The following PPP2R5C variants were observed in gnomAD, a reference collection of about 807,000 sequenced individuals.
PPP2R5C encodes serine/threonine-protein phosphatase 2A 56 kDa regulatory subunit gamma isoform.
Under a neutral mutation model 68.9 loss-of-function variants are expected in PPP2R5C, and 7 were observed. The observed-to-expected ratio is 0.10, with a 90% CI of 0.06 to 0.19. PPP2R5C has a LOEUF of 0.19. Among genes scored for constraint, PPP2R5C ranks in the 10% least tolerant of loss-of-function variants. The pLI is 1.00. For missense variants in PPP2R5C, 348 were observed against 641.3 expected (o/e 0.54, Z 4.94); for synonymous variants, 210 against 222.2 (o/e 0.95, Z 0.49).
intron 1 of PPP2R5C, among the ~76,000 whole-genome samples, chr14:101,850,117 C>G (rs1021630341): frequency 6.6e-6 from 1 of 150,704 alleles, no homozygotes; most frequent in African/African-American, 2.4e-5. Context: ...AGCATCAAAT[C>G]AATGGTTAGC....
At chr14:101,901,783 A>G in exon 9 of PPP2R5C, 9 of 1,614,064 alleles carry the variant, frequency 5.6e-6, no homozygotes, top group Non-Finnish European at 7.6e-6. Flanking sequence ...ATGTTCTTAA[A>G]CGAATTAGAA....
intron 2 of PPP2R5C, among the ~76,000 whole-genome samples, chr14:101,782,676 C>G (rs1171902147): frequency 1.4e-3 from 6 of 4,252 alleles, no homozygotes. Context: ...CCTTCTCTCT[C>G]TCTTTCTCCC....
rs117249740 is a variant in PPP2R5C at position 101,895,220 on chromosome 14, A to G, written c.852+660A>G. Among the ~76,000 whole-genome samples the G allele has an allele frequency of 6.3e-3, 960 of 152,302 alleles. 17 individuals are homozygous for G. Among genetic ancestry groups the G allele is most frequent in the East Asian group, 0.043 (223 of 5,188 alleles). Reference sequence around the variant, plus strand: ...TAAATACATTTTTTGAAACAACTTTATTGAGATATAATTCACATACCACAC... The same window carrying G: ...TAAATACATTTTTTGAAACAACTTTGTTGAGATATAATTCACATACCACAC... On this transcript the variant is annotated intron_variant, in intron 8 of 13. Transcript: ENST00000334743.
intron 3 of PPP2R5C, chr14:101,796,843 G>C (rs1427355199): frequency 3.9e-6 from 1 of 258,664 alleles, no homozygotes; most frequent in Non-Finnish European, 7.7e-6. Context: ...CCAGCGCCCT[G>C]CTGCCTCTGC....
At chr14:101,846,366 A>G (rs555311372) in intron 1 of PPP2R5C, among the ~76,000 whole-genome samples, 1 of 152,356 alleles carries the variant, frequency 6.6e-6, no homozygotes, top group East Asian at 1.9e-4. Flanking sequence ...AAGAAAAAGG[A>G]AAGTGAAAGA....
At chr14:101,783,240 C>T (rs370568787) in intron 2 of PPP2R5C, among the ~76,000 whole-genome samples, 2 of 40,342 alleles carry the variant, frequency 5.0e-5, no homozygotes, top group East Asian at 1.3e-3. Flanking sequence ...CCCCCTCCCT[C>T]TCTCCCACTC....
At chr14:101,821,811 C>T (rs1276545350) in intron 1 of PPP2R5C, among the ~76,000 whole-genome samples, 3 of 151,888 alleles carry the variant, frequency 2.0e-5, no homozygotes, top group African/African-American at 7.3e-5. Context: ...CACTCGGCCC[C>T]CGCAGCCTGT....
intron 2 of PPP2R5C, among the ~76,000 whole-genome samples, chr14:101,880,026 G>C (rs61995295): frequency 1.3e-5 from 2 of 152,174 alleles, no homozygotes; most frequent in Non-Finnish European, 2.9e-5. Context: ...CCCTGTCTGC[G>C]CCGAGTGCCT....
chr14:101,804,183 T>C (rs2038983084), intron 3 of PPP2R5C, among the ~76,000 whole-genome samples: 1 of 152,184 alleles, frequency 6.6e-6, no homozygotes, highest in Non-Finnish European at 1.5e-5. Flanking sequence ...TACCATCTCA[T>C]ACCAGTTAAA....
chr14:101,899,117 G>T lies in PPP2R5C; in HGVS notation c.853-2602G>T, dbSNP rs959438341. Among the ~76,000 whole-genome samples the T allele has an allele frequency of 1.3e-5, 2 of 152,204 alleles. No homozygotes were observed. The highest frequency in any genetic ancestry group is 2.9e-5 in the Non-Finnish European group (2 of 68,042). ...TTAGTATTTTTCATTTGCTAATTGT[G>T]TACAGTGCTCAAAAGCTTTCTGGGC... On this transcript the variant is annotated intron_variant, in intron 8 of 13. Coordinates refer to ENST00000334743, the Ensembl canonical transcript of PPP2R5C. This position sits in a 1 kb window ranked among gnomAD's most constrained non-coding sequence, Gnocchi z 4.2.
In PPP2R5C at chr14:101,835,718, C is replaced by T. The variant is rs1333821487; in HGVS notation, c.95-20968C>T. On this transcript the variant is annotated intron_variant, in intron 1 of 13. Transcript: ENST00000334743. The surrounding 1 kb of genome is among the most constrained non-coding windows in gnomAD (Gnocchi z 5.0). ...AGACCACTCTTCTCCCTGTAAGGGA[C>T]CAGTAGCATGTGTGGGACCACGCCG... Among the ~76,000 whole-genome samples, 2 of 152,246 alleles carry T rather than the reference C, an allele frequency of 1.3e-5. No individual in the cohort carries two copies. The highest frequency in any genetic ancestry group is 2.9e-5 in the Non-Finnish European group (2 of 68,046).
At chr14:101,817,598 A>G (rs1049544656) in intron 1 of PPP2R5C, among the ~76,000 whole-genome samples, 1 of 152,178 alleles carries the variant, frequency 6.6e-6, no homozygotes, top group South Asian at 2.1e-4. Context: ...AAGATAAGAT[A>G]AAACCAAAGT....
At chr14:101,863,567 A>G (rs1220746013) in intron 2 of PPP2R5C, among the ~76,000 whole-genome samples, 1 of 152,200 alleles carries the variant, frequency 6.6e-6, no homozygotes, top group Non-Finnish European at 1.5e-5. Context: ...TGCCACTCAA[A>G]GGCTGCAGCT....
rs773742072 is a variant in PPP2R5C, at chr14:101,882,004, T to G, written c.295-157T>G. Among the ~76,000 whole-genome samples, 4 of 152,174 alleles carry G rather than the reference T, an allele frequency of 2.6e-5. No individual in the cohort carries two copies. The highest frequency in any genetic ancestry group is 5.9e-5 in the Non-Finnish European group (4 of 68,028). ...CCTGCTGCAGTTTTGATCCAGGCTC[T>G]CTCTGAGGACCCACACAGCTTCTGC... On this transcript the variant is annotated intron_variant, in intron 2 of 13. Transcript: ENST00000334743. The surrounding 1 kb of genome is among the most constrained non-coding windows in gnomAD (Gnocchi z 4.9).
At chr14:101,869,288 T>C (rs1419656349) in intron 2 of PPP2R5C, among the ~76,000 whole-genome samples, 2 of 152,250 alleles carry the variant, frequency 1.3e-5, no homozygotes, top group African/African-American at 4.8e-5. Flanking sequence ...TCCTTCTCAG[T>C]GTTGTCTCAT....
At chr14:101,812,909 A>G (rs895989137) in intron 1 of PPP2R5C, among the ~76,000 whole-genome samples, 1 of 152,228 alleles carries the variant, frequency 6.6e-6, no homozygotes, top group Non-Finnish European at 1.5e-5. Context: ...GGACTTTGCG[A>G]TTAAAATGGT....
intron 1 of PPP2R5C, among the ~76,000 whole-genome samples, chr14:101,814,721 A>G (rs2039557341): frequency 6.6e-6 from 1 of 152,260 alleles, no homozygotes; most frequent in African/African-American, 2.4e-5. Flanking sequence ...TTTTAAACCC[A>G]GGAAAAGAAT....
At chr14:101,926,285 G>C (rs2047286926) in exon 14 of PPP2R5C, 2 of 152,570 alleles carry the variant, frequency 1.3e-5, no homozygotes, top group Non-Finnish European at 1.5e-5. Context: ...TTCACTGAAG[G>C]CTGCAGTGCT....
chr14:101,883,245 T>C lies in PPP2R5C; in HGVS notation c.406-12T>C, dbSNP rs757872675. ...CTCATGTTATTTGACTCATTGTTTT[T>C]TTTCCTCCTAGCTTGTTTATGAATT... On this transcript the variant is annotated splice_polypyrimidine_tract_variant and intron_variant, in intron 3 of 13. Coordinates refer to ENST00000334743, the Ensembl canonical transcript of PPP2R5C. 2.0e-6 allele frequency: 3 copies of C among 1,504,652 alleles called. No individual in the cohort carries two copies. In the South Asian group the frequency reaches 3.6e-5, roughly 18 times the overall value. The allele number at this position is 1,504,652 out of a possible 1,614,324, so 93.2% of individuals were successfully genotyped here.
Sources: gnomAD v4.1 joint callset for allele counts (sites outside exome capture counted in the v4.1 genomes callset) on GRCh38, gnomAD v4.1.1 for gene constraint, Gnocchi (gnomAD v3.1) non-coding constraint, MANE v1.5 for transcripts, NCBI Gene and HGNC (gene_info 2026-07-23, HGNC 2026-07-21) for gene names.